The following SNX14 variants were observed in gnomAD, a reference collection of about 807,000 sequenced individuals.
SNX14 encodes sorting nexin-14.
SNX14 carries 93 observed loss-of-function variants against 133.8 expected under a neutral mutation model. The ratio of observed to expected loss-of-function variants is 0.70; its 90% confidence interval spans 0.59 to 0.83. The LOEUF (loss-of-function observed/expected upper bound fraction) is 0.83, where lower values mean the gene tolerates loss of function less well. SNX14 is among the 40% of genes least tolerant of loss of function. The pLI, the probability that SNX14 is intolerant of heterozygous loss-of-function variation, is 0.00. For synonymous variants in SNX14, 368 were observed against 365.6 expected, an observed-to-expected ratio of 1.01 and a Z score of -0.07; for missense variants, 945 against 1,094.9, an observed-to-expected ratio of 0.86 and a Z score of 1.93.
chr6:85,577,054 TA>T (rs1797566343), intron 1 of SNX14, among the ~76,000 whole-genome samples: 1 of 152,098 alleles, frequency 6.6e-6, no homozygotes, highest in African/African-American at 2.4e-5. Context: ...TTAGAGATCT[TA>T]AAAAGTGAAT....
In SNX14 at chr6:85,514,597, G is replaced by A. The variant is rs754637147; in HGVS notation, c.2301C>T (p.Asn767=). The change falls in exon 24 of 29, where the codon AAC becomes AAT. Residue 767 remains asparagine (N), a synonymous_variant. Transcript: ENST00000314673. ...LFNDLFKNNA[N]RAENTERKQN... Reference sequence around the variant, plus strand: ...GCTTTCTCTCTGTATTTTCAGCACGGTTTGCATTATTTTTAAACAGATCAT... The same window carrying A: ...GCTTTCTCTCTGTATTTTCAGCACGATTTGCATTATTTTTAAACAGATCAT... 3 of 1,612,104 alleles carry A rather than the reference G, an allele frequency of 1.9e-6. No homozygotes were observed. The highest frequency in any genetic ancestry group is 1.7e-5 in the Admixed American group (1 of 59,958).
chr6:85,547,062 C>A, intron 12 of SNX14, 50 bp downstream of exon 12: 1 of 1,304,322 alleles, frequency 7.7e-7, no homozygotes. Flanking sequence ...TATTCAAATA[C>A]ATTAAAAGGT....
At chr6:85,510,777 T>C (rs1772519522) in intron 26 of SNX14, among the ~76,000 whole-genome samples, 1 of 152,212 alleles carries the variant, frequency 6.6e-6, no homozygotes, top group South Asian at 2.1e-4. Context: ...ATAAGAACAG[T>C]TGCTGTAAGT....
chr6:85,529,233 C>T (rs1779464124), intron 19 of SNX14, among the ~76,000 whole-genome samples: 1 of 151,636 alleles, frequency 6.6e-6, no homozygotes, highest in East Asian at 1.9e-4. Context: ...CATCGTGCCA[C>T]TGCACTGCAG....
intron 1 of SNX14, among the ~76,000 whole-genome samples, chr6:85,585,053 C>G (rs1800253590): frequency 6.6e-6 from 1 of 152,008 alleles, no homozygotes; most frequent in African/African-American, 2.4e-5. Flanking sequence ...TACTAGGCAG[C>G]CATAAAAAAG....
chr6:85,562,001 C>T (rs1421722057), intron 6 of SNX14, among the ~76,000 whole-genome samples: 1 of 152,158 alleles, frequency 6.6e-6, no homozygotes, highest in Non-Finnish European at 1.5e-5. Flanking sequence ...CCTCCTCCCA[C>T]TCTCCACCCT....
chr6:85,569,261 G>A (rs1487876074), intron 4 of SNX14, among the ~76,000 whole-genome samples: 3 of 151,972 alleles, frequency 2.0e-5, no homozygotes, highest in Non-Finnish European at 4.4e-5. Context: ...CACGCCCAGC[G>A]GGTACTCATT....
chr6:85,593,736 C>T lies in SNX14; in HGVS notation c.-18G>A. ...GGCACCATCTCCGTAACGGCGAGGCCGAGACTGCGCTACTGGCTGAGGCAG... is the reference window on the plus strand; with the variant it reads ...GGCACCATCTCCGTAACGGCGAGGCTGAGACTGCGCTACTGGCTGAGGCAG... On this transcript the variant is annotated 5_prime_UTR_variant, in exon 1 of 29. Coordinates refer to ENST00000314673, the MANE Select transcript of SNX14 (RefSeq NM_153816.6). 1.2e-6 allele frequency: 2 copies of T among 1,613,144 alleles called. No individual in the cohort carries two copies. The highest frequency in any genetic ancestry group is 1.7e-6 in the Non-Finnish European group (2 of 1,179,896).
At chr6:85,544,296 G>A (rs1784794690) in intron 12 of SNX14, among the ~76,000 whole-genome samples, 1 of 151,868 alleles carries the variant, frequency 6.6e-6, no homozygotes, top group Admixed American at 6.6e-5. Context: ...TGTTAATAAG[G>A]AGTTTACCTT....
intron 21 of SNX14, among the ~76,000 whole-genome samples, chr6:85,519,729 C>T (rs1056192608): frequency 2.0e-5 from 3 of 152,132 alleles, no homozygotes; most frequent in African/African-American, 4.8e-5. Context: ...ATTAGCCGGA[C>T]GTGGTGGCAC....
At position 85,574,390 on chromosome 6, in the gene SNX14, A is replaced by G. The variant is rs761100191; in HGVS notation, c.141-12T>C. The stretch of plus-strand genomic sequence containing the variant: ...AAATATGAATATACCTTAAAAATAA[A>G]TGAAAATAATTATTACAACCAAAGA... On this transcript the variant is annotated splice_polypyrimidine_tract_variant and intron_variant, in intron 1 of 28. Transcript: ENST00000314673. The G allele has an allele frequency of 4.9e-5, 74 of 1,500,982 alleles. No individual in the cohort carries two copies. The highest frequency in any genetic ancestry group is 5.9e-5 in the Non-Finnish European group (65 of 1,104,826). The allele number at this position is 1,500,982 out of a possible 1,614,324, so 93.0% of individuals were successfully genotyped here.
At chr6:85,582,869 C>T (rs1465101105) in intron 1 of SNX14, among the ~76,000 whole-genome samples, 1 of 152,180 alleles carries the variant, frequency 6.6e-6, no homozygotes, top group Non-Finnish European at 1.5e-5. Flanking sequence ...ACCATTCCTT[C>T]TGAAACTATT....
chr6:85,524,187 CAAAAAAGA>C (rs879461333), intron 21 of SNX14, among the ~76,000 whole-genome samples: 2 of 148,060 alleles, frequency 1.4e-5, no homozygotes, highest in Non-Finnish European at 3.0e-5. Context: ...GACTCCATCT[CAAAAAAGA>C]AAGAAAGAAA....
intron 7 of SNX14, among the ~76,000 whole-genome samples, chr6:85,553,188 G>A (rs1202968519): frequency 5.9e-5 from 9 of 152,154 alleles, no homozygotes; most frequent in Non-Finnish European, 1.3e-4. Context: ...CTGCACACTG[G>A]GCAAGCAGAC....
intron 5 of SNX14, 99 bp from the exon 6 acceptor site, chr6:85,565,518 G>T: frequency 1.3e-6 from 1 of 741,970 alleles, no homozygotes; most frequent in Non-Finnish European, 2.2e-6. Flanking sequence ...GTTTACTTAA[G>T]CTACTTTCTT....
chr6:85,586,572 AT>A (rs951787654), intron 1 of SNX14, among the ~76,000 whole-genome samples: 115 of 150,080 alleles, frequency 7.7e-4, no homozygotes, highest in African/African-American at 1.6e-3. Context: ...TATGGAAGTG[AT>A]TTTTTTTTTA....
At chr6:85,571,863 C>T (rs1038556736) in intron 4 of SNX14, among the ~76,000 whole-genome samples, 4 of 152,124 alleles carry the variant, frequency 2.6e-5, no homozygotes, top group African/African-American at 7.2e-5. Context: ...ATTTCTGCTG[C>T]GCTATCATAA....
rs1582681805 is a variant in SNX14 at position 85,532,060 on chromosome 6, T to G, written c.1810+1539A>C. On this transcript the variant is annotated intron_variant, in intron 18 of 28. Transcript: ENST00000314673. ...AAAAAAATTAAATTAAAAAATAAAA[T>G]AAAAGTTTTAAGATTTTTTGGTTTT... Among the ~76,000 whole-genome samples, 6 of 152,100 alleles carry G rather than the reference T, an allele frequency of 3.9e-5. No individual in the cohort carries two copies. The East Asian group carries it at 1.2e-3, about 29-fold the overall frequency.
At position 85,506,000 on chromosome 6, in the gene SNX14, T is replaced by C; in HGVS notation, c.2808A>G (p.Gln936=). The C allele has an allele frequency of 6.3e-7, 1 of 1,591,216 alleles. No homozygotes were observed. The highest frequency in any genetic ancestry group is 1.7e-5 in the Admixed American group (1 of 59,850). The change falls in exon 29 of 29, where the codon CAA becomes CAG. Residue 936 remains glutamine, a synonymous_variant. Coordinates refer to ENST00000314673, the MANE Select transcript of SNX14 (RefSeq NM_153816.6). ...AAGATGTCACAGAGGTAACTTCCTTTTGTACCTAAAGTAAAAATAAATCCA... is the reference window on the plus strand; with the variant it reads ...AAGATGTCACAGAGGTAACTTCCTTCTGTACCTAAAGTAAAAATAAATCCA... ...QELFPELNKV[Q]KEVTSVTSWM is the part of the protein sequence containing the mutation.
Sources: gnomAD v4.1 joint callset for allele counts (sites outside exome capture counted in the v4.1 genomes callset) on GRCh38, gnomAD v4.1.1 for gene constraint, MANE v1.5 for transcripts, NCBI Gene and HGNC (gene_info 2026-07-23, HGNC 2026-07-21) for gene names.